CHAF1B: variants seen among roughly 807,000 people sequenced by gnomAD.
CHAF1B encodes the protein CAF-1 subunit B.
A neutral mutation model predicts 60.7 loss-of-function variants in CHAF1B; 10 were observed. The observed-to-expected ratio is 0.16, with a 90% CI of 0.10 to 0.28. The LOEUF is 0.28. Among genes scored for constraint, CHAF1B ranks in the 10% least tolerant of loss-of-function variants. The pLI is 1.00. For synonymous variants in CHAF1B, 261 were observed against 266.1 expected, an observed-to-expected ratio of 0.98 and a Z score of 0.19; for missense variants, 558 against 708.4, an observed-to-expected ratio of 0.79 and a Z score of 2.41.
At chr21:36,399,184 A>G (rs772826198) in intron 6 of CHAF1B, among the ~76,000 whole-genome samples, 1 of 151,526 alleles carries the variant, frequency 6.6e-6, no homozygotes, top group Non-Finnish European at 1.5e-5. Flanking sequence ...ACAGGCGCCC[A>G]CCACCACGCC....
chr21:36,406,973 AGG>A (rs2086242370), intron 8 of CHAF1B, among the ~76,000 whole-genome samples: 1 of 152,188 alleles, frequency 6.6e-6, no homozygotes, highest in Admixed American at 6.6e-5. Flanking sequence ...AAGGAAATAT[AGG>A]AGGACATTCT....
Position 36,393,446 on chromosome 21 carries a change from C to CT in CHAF1B, c.378-1078dup, listed in dbSNP as rs748789062. Among the ~76,000 whole-genome samples the CT allele has an allele frequency of 8.1e-3, 936 of 115,068 alleles. 16 individuals are homozygous for CT. Among genetic ancestry groups the CT allele is most frequent in the East Asian group, 0.038 (154 of 4,008 alleles). 75.5% of individuals were successfully genotyped at this position (115,068 alleles called of 152,430 possible). ...ATTCAATTTTAAAGATACAGCTATCCTTTTTTTTTTTTTTTTTTTTTTTAG... is the reference window on the plus strand; with the variant it reads ...ATTCAATTTTAAAGATACAGCTATCCTTTTTTTTTTTTTTTTTTTTTTTTAG... On this transcript the variant is annotated intron_variant, in intron 4 of 13. Transcript: ENST00000314103.
At chr21:36,391,714 G>A (rs1256990266) in intron 4 of CHAF1B, 46 bp downstream of exon 4, 3 of 1,188,440 alleles carry the variant, frequency 2.5e-6, no homozygotes, top group Non-Finnish European at 3.8e-6. Flanking sequence ...TACGATGAGT[G>A]CATTAAATGG....
intron 12 of CHAF1B, among the ~76,000 whole-genome samples, chr21:36,414,899 C>A (rs113227084): frequency 6.6e-6 from 1 of 152,212 alleles, no homozygotes; most frequent in Non-Finnish European, 1.5e-5. Flanking sequence ...AGGTGCGAAC[C>A]ATCTTGCCCG....
chr21:36,389,800 T>TGTGCGCGCGCGCGCACGC, intron 3 of CHAF1B, among the ~76,000 whole-genome samples: 1 of 124,746 alleles, frequency 8.0e-6, no homozygotes, highest in African/African-American at 3.5e-5. Context: ...TGTGTGTGTG[T>TGTGCGCGCGCGCGCACGC]GCGCGCGCAC....
chr21:36,398,939 TATTCTAAATGCC>T (rs1049298635), intron 6 of CHAF1B, among the ~76,000 whole-genome samples: 3 of 152,224 alleles, frequency 2.0e-5, no homozygotes, highest in Non-Finnish European at 4.4e-5. Flanking sequence ...TCTTCTGTTG[TATTCTAAATGCC>T]ATTTATTTTC....
At position 36,386,103 on chromosome 21, in the gene CHAF1B, C is replaced by T; in HGVS notation, c.-34C>T. The T allele has an allele frequency of 1.9e-6, 3 of 1,612,958 alleles. No homozygotes were observed. Among genetic ancestry groups the T allele is most frequent in the Non-Finnish European group, 2.5e-6 (3 of 1,179,350 alleles). ...TGTCTTGAAGAAGTAGAACGGTGCC[C>T]GAGAAACGTTTTTCCCCTTCGAGAC... On this transcript the variant is annotated 5_prime_UTR_variant, in exon 2 of 14. Transcript: ENST00000314103.
chr21:36,392,330 C>T (rs2086096320), intron 4 of CHAF1B, among the ~76,000 whole-genome samples: 1 of 152,246 alleles, frequency 6.6e-6, no homozygotes, highest in Non-Finnish European at 1.5e-5. Context: ...CCTCTTTCTA[C>T]ACAGACACAG....
intron 5 of CHAF1B, among the ~76,000 whole-genome samples, chr21:36,397,163 G>A (rs574096662): frequency 3.9e-5 from 6 of 152,194 alleles, no homozygotes; most frequent in Admixed American, 1.3e-4. Context: ...CCCCTCCCCC[G>A]GTCCACATGT....
chr21:36,409,967 C>CTTT (rs199857685), intron 10 of CHAF1B, among the ~76,000 whole-genome samples: 1 of 131,302 alleles, frequency 7.6e-6, no homozygotes, highest in Non-Finnish European at 1.7e-5. Flanking sequence ...TTTTCTTTTT[C>CTTT]TTTTTTTTTT....
At chr21:36,409,520 G>C in intron 10 of CHAF1B, 55 bp downstream of exon 10, 2 of 1,284,356 alleles carry the variant, frequency 1.6e-6, no homozygotes, top group Non-Finnish European at 2.3e-6. Flanking sequence ...CAGGTCACCA[G>C]AGTGGGGTGG....
chr21:36,392,985 A>G (rs2086103930), intron 4 of CHAF1B, among the ~76,000 whole-genome samples: 2 of 152,200 alleles, frequency 1.3e-5, no homozygotes, highest in Non-Finnish European at 2.9e-5. Flanking sequence ...TGAGGCTGGC[A>G]GATCACTCGC....
At chr21:36,405,036 C>G (rs1379061964) in intron 8 of CHAF1B, among the ~76,000 whole-genome samples, 1 of 83,100 alleles carries the variant, frequency 1.2e-5, no homozygotes, top group Non-Finnish European at 3.7e-5. Flanking sequence ...CAGGTGTGAG[C>G]CACTGCGCCC....
At chr21:36,401,179 A>T (rs1175268967) in intron 7 of CHAF1B, among the ~76,000 whole-genome samples, 1 of 151,714 alleles carries the variant, frequency 6.6e-6, no homozygotes, top group African/African-American at 2.4e-5. Context: ...AGGCACGAGG[A>T]TCACTGGAAC....
chr21:36,402,634 C>T (rs535400545), intron 7 of CHAF1B, 124 bp from the exon 8 acceptor site: 1 of 704,128 alleles, frequency 1.4e-6, no homozygotes, highest in East Asian at 2.5e-5. Context: ...GTAAAGAAAA[C>T]CATAGGCACA....
At position 36,417,197 on chromosome 21, in the gene CHAF1B, G is replaced by A. The variant is rs7275524; in HGVS notation, c.*831G>A. ...AGCGATCCTTCCACCTCAGCTTCCC[G>A]AGTAGCTGGGACTACAGGCATGTGC... On this transcript the variant is annotated 3_prime_UTR_variant, in exon 14 of 14. Coordinates refer to ENST00000314103, the MANE Select transcript of CHAF1B (RefSeq NM_005441.3). 12,589 of 151,148 alleles carry A rather than the reference G, an allele frequency of 0.083. 892 individuals are homozygous for A. The highest frequency in any genetic ancestry group is 0.2 in the African/African-American group (8,261 of 40,986). 9.4% of individuals were successfully genotyped at this position (151,148 alleles called of 1,614,324 possible).
chr21:36,408,735 C>T (rs372170568), intron 8 of CHAF1B, 26 bp from the exon 9 acceptor site: 153 of 1,551,342 alleles, frequency 9.9e-5, no homozygotes, highest in Non-Finnish European at 1.2e-4. Context: ...CTTTTCTTTC[C>T]TCTCCCTCCC....
intron 7 of CHAF1B, among the ~76,000 whole-genome samples, chr21:36,400,350 G>A (rs1450197761): frequency 2.0e-5 from 3 of 151,132 alleles, no homozygotes; most frequent in Non-Finnish European, 4.4e-5. Context: ...GCATGCATGT[G>A]ATCCCAGCTA....
chr21:36,411,408 C>CAGCCATTTTCTT, intron 10 of CHAF1B, 55 bp from the exon 11 acceptor site: 1 of 1,604,196 alleles, frequency 6.2e-7, no homozygotes. Context: ...GCCATTGCAC[C>CAGCCATTTTCTT]TGGTCAGAAG....
Sources: allele counts gnomAD v4.1 joint callset (sites outside exome capture counted in the v4.1 genomes callset), GRCh38; gene constraint gnomAD v4.1.1; transcripts MANE v1.5; gene names NCBI Gene and HGNC (gene_info 2026-07-23, HGNC 2026-07-21).